Variants in IQSEC1 observed in about 807,000 individuals in gnomAD.
IQSEC1 encodes the protein IQ motif and Sec7 domain ArfGEF 1, also known as IQ motif and SEC7 domain-containing protein 1.
A neutral mutation model predicts 91.0 loss-of-function variants in IQSEC1; 31 were observed. That is an observed-to-expected ratio of 0.34 (90% CI 0.26 to 0.46). IQSEC1 has a LOEUF of 0.46. Ranked by LOEUF, IQSEC1 falls within the 20% of genes least tolerant of loss-of-function variation. The pLI, the probability that IQSEC1 is intolerant of heterozygous loss-of-function variation, is 1.00. For missense variants in IQSEC1, 1,388 were observed against 1,575.6 expected, an observed-to-expected ratio of 0.88 and a Z score of 2.02; for synonymous variants, 699 against 662.6, an observed-to-expected ratio of 1.05 and a Z score of -0.84.
rs897093520 is a variant in IQSEC1 at position 12,945,787 on chromosome 3, GATAA to G, written c.24-3926_24-3923del. 2.6e-4 allele frequency among the ~76,000 whole-genome samples: 39 copies of G among 152,282 alleles called. 1 individual carries two copies. Among genetic ancestry groups the G allele is most frequent in the Non-Finnish European group, 4.3e-4 (29 of 68,026 alleles). On this transcript the variant is annotated intron_variant, in intron 1 of 13. Coordinates refer to ENST00000613206, the MANE Select transcript of IQSEC1 (RefSeq NM_001134382.3). ...TGGCTTTTCTGAGTTTATCTGAACT[GATAA>G]ATAAAAATACAATTTAAGTGAAAAT...
chr3:13,088,700 A>G (rs1039067852), intron 2 of IQSEC1, among the ~76,000 whole-genome samples: 1 of 151,762 alleles, frequency 6.6e-6, no homozygotes, highest in Non-Finnish European at 1.5e-5. Flanking sequence ...GCCCTGCTTT[A>G]CCCCCTGGGC....
chr3:13,098,513 G>T (rs1706002631), intron 2 of IQSEC1, among the ~76,000 whole-genome samples: 1 of 152,190 alleles, frequency 6.6e-6, no homozygotes, highest in African/African-American at 2.4e-5. Flanking sequence ...CAAGAGGAGG[G>T]TGAGGGTTTC....
At chr3:13,081,050 G>A (rs563188287) in intron 2 of IQSEC1, among the ~76,000 whole-genome samples, 1 of 152,314 alleles carries the variant, frequency 6.6e-6, no homozygotes, top group Admixed American at 6.5e-5. Context: ...ATATTATACA[G>A]CCTTTAAAAG....
At position 12,952,202 on chromosome 3, in the gene IQSEC1, C is replaced by T. The variant is rs937423157; in HGVS notation, c.24-10337G>A. 2.4e-4 allele frequency among the ~76,000 whole-genome samples: 36 copies of T among 152,118 alleles called. 1 individual carries two copies. Among genetic ancestry groups the T allele is most frequent in the Admixed American group, 2.2e-3 (34 of 15,280 alleles). On this transcript the variant is annotated intron_variant, in intron 1 of 13. Coordinates refer to ENST00000613206, the MANE Select transcript of IQSEC1 (RefSeq NM_001134382.3). The stretch of plus-strand genomic sequence containing the variant: ...GGAATTGCAGAGGAACCCAAGAAAC[C>T]GGACATCCCGCTGTCCAGGCACTGC...
chr3:12,975,582 C>T (rs11921282), intron 1 of IQSEC1, among the ~76,000 whole-genome samples: 52,435 of 152,100 alleles, frequency 0.34, 9,936 homozygotes, highest in East Asian at 0.78. Context: ...TCCATTTGGT[C>T]CCCAAACCAT....
At chr3:13,128,585 G>T (rs1243555258) in intron 2 of IQSEC1, among the ~76,000 whole-genome samples, 1 of 152,138 alleles carries the variant, frequency 6.6e-6, no homozygotes, top group Non-Finnish European at 1.5e-5. Context: ...GTTACATCTA[G>T]CCGGGCACAG....
chr3:12,901,286 CCCCAGG>C lies in IQSEC1; in HGVS notation c.3036_3041del (p.His1012_Gly1014delinsGln), dbSNP rs1694261635. ...CGGCCTGCGGCAGCCCCTCTGGGGG[CCCCAGG>C]TGGTGGCCAGCCACAGAGTGCTGCA... On this transcript the variant is annotated inframe_deletion, in exon 14 of 14. Coordinates refer to ENST00000613206, the MANE Select transcript of IQSEC1 (RefSeq NM_001134382.3). 1 of 1,547,970 alleles carries C rather than the reference CCCCAGG, an allele frequency of 6.5e-7. No homozygotes were observed. Among genetic ancestry groups the C allele is most frequent in the Non-Finnish European group, 8.7e-7 (1 of 1,146,550 alleles).
At chr3:13,173,400 C>A (rs1693655881) in intron 1 of IQSEC1, among the ~76,000 whole-genome samples, 1 of 152,214 alleles carries the variant, frequency 6.6e-6, no homozygotes, top group African/African-American at 2.4e-5. Flanking sequence ...AGCCCGGGCT[C>A]CCCCGGGGGC....
chr3:13,062,844 C>T (rs1436336634), intron 1 of IQSEC1, among the ~76,000 whole-genome samples: 1 of 152,172 alleles, frequency 6.6e-6, no homozygotes, highest in Non-Finnish European at 1.5e-5. Context: ...AAGCAGATGT[C>T]AGGGACATCT....
At chr3:12,976,968 C>T (rs995622442) in intron 1 of IQSEC1, among the ~76,000 whole-genome samples, 1 of 152,088 alleles carries the variant, frequency 6.6e-6, no homozygotes, top group Non-Finnish European at 1.5e-5. Flanking sequence ...TTTTCAAAAT[C>T]ACTGATTCTC....
Position 13,245,783 on chromosome 3 carries a change from G to A in IQSEC1, c.272+36928C>T, listed in dbSNP as rs1012389329. Among the ~76,000 whole-genome samples, 316 of 127,714 alleles carry A rather than the reference G, an allele frequency of 2.5e-3. 1 individual carries two copies. Among genetic ancestry groups the A allele is most frequent in the African/African-American group, 0.011 (285 of 26,640 alleles). 83.8% of individuals were successfully genotyped at this position (127,714 alleles called of 152,430 possible). On this transcript the variant is annotated intron_variant, in intron 1 of 15. Coordinates refer to the IQSEC1 transcript ENST00000648114. The stretch of plus-strand genomic sequence containing the variant: ...CCCTGTTTCAAAAAAAAAAAAAAAA[G>A]AATGTGGTGGCAGGCAGGGTGGGGA...
chr3:13,029,738 G>A (rs1474424047), intron 1 of IQSEC1, among the ~76,000 whole-genome samples: 1 of 152,216 alleles, frequency 6.6e-6, no homozygotes, highest in Admixed American at 6.5e-5. Flanking sequence ...ATGCGTGCAC[G>A]TGTCCACACA....
At chr3:12,959,212 G>C (rs968686195) in intron 1 of IQSEC1, among the ~76,000 whole-genome samples, 3 of 152,188 alleles carry the variant, frequency 2.0e-5, no homozygotes, top group African/African-American at 7.2e-5. Context: ...CCCCAGTGCT[G>C]AATGGCCACC....
intron 1 of IQSEC1, among the ~76,000 whole-genome samples, chr3:13,221,823 C>A (rs886805905): frequency 4.6e-5 from 7 of 152,236 alleles, no homozygotes; most frequent in African/African-American, 1.7e-4. Flanking sequence ...GGAAAGCCAG[C>A]CTCCCAAACT....
intron 2 of IQSEC1, among the ~76,000 whole-genome samples, chr3:13,098,512 G>A (rs572900074): frequency 2.6e-4 from 40 of 152,300 alleles, no homozygotes; most frequent in Middle Eastern, 3.4e-3. Flanking sequence ...TCAAGAGGAG[G>A]GTGAGGGTTT....
Position 12,899,318 on chromosome 3 carries a change from C to A in IQSEC1, c.*1665G>T. 6.5e-7 allele frequency: 1 copy of A among 1,545,626 alleles called. No individual in the cohort carries two copies. The highest frequency in any genetic ancestry group is 8.9e-7 in the Non-Finnish European group (1 of 1,128,862). On this transcript the variant is annotated 3_prime_UTR_variant, in exon 14 of 14. Coordinates refer to ENST00000613206, the MANE Select transcript of IQSEC1 (RefSeq NM_001134382.3). ...CGGCCCCGCGGCCCGCAGAGTCAGG[C>A]GTGAGCTTCGCCCTTTCTGAAAGGG...
intron 1 of IQSEC1, among the ~76,000 whole-genome samples, chr3:12,978,546 A>T (rs1486691085): frequency 1.3e-5 from 2 of 152,054 alleles, no homozygotes; most frequent in African/African-American, 4.8e-5. Flanking sequence ...AAATAAAAAA[A>T]ACTACAAAAA....
rs1465482361 is a variant in IQSEC1 at position 13,193,210 on chromosome 3, C to T, written c.273-29077G>A. On this transcript the variant is annotated intron_variant, in intron 1 of 15. Coordinates refer to the IQSEC1 transcript ENST00000648114. The surrounding 1 kb of genome is among the most constrained non-coding windows in gnomAD (Gnocchi z 4.2). ...CCCCGGACTCTCATGGGCATCTCTG[C>T]TCCCTGTCGCCCACCAGCTCCCTCT... Among the ~76,000 whole-genome samples the T allele has an allele frequency of 1.3e-5, 2 of 152,260 alleles. No homozygotes were observed. The highest frequency in any genetic ancestry group is 2.9e-5 in the Non-Finnish European group (2 of 68,048).
At chr3:13,234,502 G>A (rs939816417) in intron 1 of IQSEC1, among the ~76,000 whole-genome samples, 4 of 152,302 alleles carry the variant, frequency 2.6e-5, no homozygotes, top group African/African-American at 7.2e-5. Context: ...TCCCTTCCCT[G>A]AAACACCTGA....
Sources: gnomAD v4.1 joint callset for allele counts (sites outside exome capture counted in the v4.1 genomes callset) on GRCh38, gnomAD v4.1.1 for gene constraint, Gnocchi (gnomAD v3.1) non-coding constraint, MANE v1.5 for transcripts, NCBI Gene and HGNC (gene_info 2026-07-23, HGNC 2026-07-21) for gene names.